The following ATP6V0D2 variants were observed in gnomAD, a reference collection of about 807,000 sequenced individuals.
ATP6V0D2 encodes V-type proton ATPase subunit d 2.
ATP6V0D2 carries 40 observed loss-of-function variants against 40.0 expected under a neutral mutation model. The ratio of observed to expected loss-of-function variants is 1.00; its 90% confidence interval spans 0.78 to 1.30. The LOEUF (loss-of-function observed/expected upper bound fraction) is 1.30. ATP6V0D2 is among the 50% of genes most tolerant of loss of function. The probability of loss-of-function intolerance (pLI) is 0.00; values close to 1 mark genes in which losing one functional copy is unlikely to be tolerated. For synonymous variants in ATP6V0D2, 179 were observed against 156.3 expected (o/e 1.15, Z -1.08); for missense variants, 470 against 423.1 (o/e 1.11, Z -0.97).
At chr8:86,131,111 C>T (rs1173920472) in intron 2 of ATP6V0D2, among the ~76,000 whole-genome samples, 1 of 152,070 alleles carries the variant, frequency 6.6e-6, no homozygotes, top group African/African-American at 2.4e-5. Context: ...CTATCATTAA[C>T]ACACAAGCCC....
At chr8:86,106,187 G>A (rs1818468926) in intron 1 of ATP6V0D2, among the ~76,000 whole-genome samples, 1 of 151,794 alleles carries the variant, frequency 6.6e-6, no homozygotes, top group African/African-American at 2.4e-5. Flanking sequence ...ATGCAGTAGT[G>A]GGTAGCGTGA....
Position 86,139,513 on chromosome 8 carries a change from A to T in ATP6V0D2, c.359A>T (p.Lys120Ile). 6.2e-7 allele frequency: 1 copy of T among 1,613,784 alleles called. No homozygotes were observed. Among genetic ancestry groups the T allele is most frequent in the Non-Finnish European group, 8.5e-7 (1 of 1,179,860 alleles). ...ILLMNGALQK[K>I]SVKEILGKCH... Reference sequence around the variant, plus strand: ...CTGATGAATGGTGCATTGCAGAAAAAATCTGTGAAAGAAATTCTGGGGAAG... The same window carrying T: ...CTGATGAATGGTGCATTGCAGAAAATATCTGTGAAAGAAATTCTGGGGAAG... Residue 120 changes from lysine to isoleucine, a missense_variant, in exon 3 of 8, where the codon AAA becomes ATA. Lys to Ile is a moderately radical substitution (Grantham distance 102). Coordinates refer to ENST00000285393, the MANE Select transcript of ATP6V0D2 (RefSeq NM_152565.1).
rs373767520 is a variant in ATP6V0D2 at position 86,127,842 on chromosome 8, T to C, written c.303-11615T>C. On this transcript the variant is annotated intron_variant, in intron 2 of 7. Transcript: ENST00000285393. ...AAAATGGTTGTCATTAAGAATTAGA[T>C]TACATGTTGCAGATGAAGGATGTGG... Among the ~76,000 whole-genome samples, 51 of 152,308 alleles carry C rather than the reference T, an allele frequency of 3.3e-4. 1 individual carries two copies. The highest frequency in any genetic ancestry group is 1.1e-3 in the African/African-American group (47 of 41,562).
chr8:86,106,334 T>C (rs1818470533), intron 1 of ATP6V0D2, among the ~76,000 whole-genome samples: 1 of 152,110 alleles, frequency 6.6e-6, no homozygotes, highest in Non-Finnish European at 1.5e-5. Context: ...GGTCTCACTT[T>C]GTTGCCCAGG....
chr8:86,103,722 G>A lies in ATP6V0D2; in HGVS notation c.130+4614G>A, dbSNP rs532493782. Among the ~76,000 whole-genome samples the A allele has an allele frequency of 2.4e-4, 37 of 152,276 alleles. No individual in the cohort carries two copies. In the South Asian group the frequency reaches 7.5e-3, roughly 31 times the overall value. ...GGATGGCAATTGGGTAGTACCTACT[G>A]AAATTCCAAATGCTTATACACTTTG... On this transcript the variant is annotated intron_variant, in intron 1 of 7. Transcript: ENST00000285393.
chr8:86,150,698 G>A (rs759481759), intron 6 of ATP6V0D2, among the ~76,000 whole-genome samples: 18 of 152,118 alleles, frequency 1.2e-4, no homozygotes, highest in East Asian at 1.9e-4. Context: ...CTAGGTGGAC[G>A]GCAAGGAACA....
chr8:86,140,364 G>A (rs1309530198), intron 3 of ATP6V0D2, among the ~76,000 whole-genome samples: 1 of 152,068 alleles, frequency 6.6e-6, no homozygotes, highest in Non-Finnish European at 1.5e-5. Flanking sequence ...TTAAGCACCC[G>A]ATACTGAGAT....
intron 7 of ATP6V0D2, 70 bp from the exon 8 acceptor site, chr8:86,152,746 A>C (rs528774808): frequency 1.4e-6 from 2 of 1,458,466 alleles, no homozygotes; most frequent in Non-Finnish European, 9.2e-7. Flanking sequence ...CAAGCCAGTC[A>C]GTAGCTTAAT....
chr8:86,141,355 G>A, intron 3 of ATP6V0D2, 95 bp from the exon 4 acceptor site: 1 of 811,374 alleles, frequency 1.2e-6, no homozygotes, highest in Admixed American at 2.0e-5. Context: ...GTTCTTGTCA[G>A]GAGTGAGCAG....
intron 2 of ATP6V0D2, among the ~76,000 whole-genome samples, chr8:86,121,288 G>A (rs1443179051): frequency 2.0e-5 from 3 of 152,190 alleles, no homozygotes; most frequent in Non-Finnish European, 4.4e-5. Flanking sequence ...AATGATATAT[G>A]GCCAGACACA....
chr8:86,145,378 GAA>G (rs1819054595), intron 5 of ATP6V0D2, among the ~76,000 whole-genome samples: 1 of 137,034 alleles, frequency 7.3e-6, no homozygotes, highest in African/African-American at 2.8e-5. Flanking sequence ...AGGAAGGAAA[GAA>G]AAGAAAAGAA....
chr8:86,100,039 TAAA>T (rs60101140), intron 1 of ATP6V0D2, among the ~76,000 whole-genome samples: 1 of 145,434 alleles, frequency 6.9e-6, no homozygotes, highest in African/African-American at 2.5e-5. Flanking sequence ...TAACTGAAGT[TAAA>T]AAAAAAAAAA....
Position 86,152,805 on chromosome 8 carries a change from TC to T in ATP6V0D2, c.892-10del. ...AGTTGATGATCTGTGTTACTTTTTT[TC>T]TTTCCTCAGGTACAAATGAATGTGC... On this transcript the variant is annotated splice_polypyrimidine_tract_variant and intron_variant, in intron 7 of 7. Transcript: ENST00000285393. The T allele has an allele frequency of 6.3e-7, 1 of 1,584,596 alleles. No homozygotes were observed. The highest frequency in any genetic ancestry group is 1.4e-5 in the African/African-American group (1 of 73,370).
intron 6 of ATP6V0D2, among the ~76,000 whole-genome samples, chr8:86,151,263 T>G (rs747902121): frequency 1.3e-5 from 2 of 152,128 alleles, no homozygotes; most frequent in Non-Finnish European, 1.5e-5. Flanking sequence ...AACAAGCCAA[T>G]AGGCTAGAAT....
chr8:86,146,150 C>A (rs979228807), intron 5 of ATP6V0D2, among the ~76,000 whole-genome samples: 17 of 152,124 alleles, frequency 1.1e-4, no homozygotes, highest in Admixed American at 8.5e-4. Flanking sequence ...AATTCATAAG[C>A]AAGATCATAT....
At chr8:86,099,618 C>G (rs565769217) in intron 1 of ATP6V0D2, among the ~76,000 whole-genome samples, 1 of 152,110 alleles carries the variant, frequency 6.6e-6, no homozygotes, top group Non-Finnish European at 1.5e-5. Context: ...CTCAGCCTCC[C>G]GAGTAACTGA....
intron 2 of ATP6V0D2, among the ~76,000 whole-genome samples, chr8:86,131,119 C>T (rs1232771200): frequency 1.3e-5 from 2 of 151,974 alleles, no homozygotes; most frequent in African/African-American, 2.4e-5. Context: ...AACACACAAG[C>T]CCAAAATAAT....
chr8:86,138,278 T>A (rs1170808697), intron 2 of ATP6V0D2, among the ~76,000 whole-genome samples: 1 of 152,194 alleles, frequency 6.6e-6, no homozygotes, highest in Non-Finnish European at 1.5e-5. Context: ...GACTGTCATT[T>A]CTCTAGCAAG....
chr8:86,121,484 T>A (rs1476449199), intron 2 of ATP6V0D2, among the ~76,000 whole-genome samples: 1 of 152,028 alleles, frequency 6.6e-6, no homozygotes, highest in Non-Finnish European at 1.5e-5. Flanking sequence ...GCGTGAGAAT[T>A]GCTTGAACCT....
Sources: allele counts gnomAD v4.1 joint callset (sites outside exome capture counted in the v4.1 genomes callset), GRCh38; gene constraint gnomAD v4.1.1; transcripts MANE v1.5; gene names NCBI Gene and HGNC (gene_info 2026-07-23, HGNC 2026-07-21).